The following FHIP1A variants were observed in gnomAD, a reference collection of about 807,000 sequenced individuals.
FHIP1A encodes the protein FHF complex subunit HOOK-interacting protein 1A.
Under a neutral mutation model 88.6 loss-of-function variants are expected in FHIP1A, and 61 were observed. The ratio of observed to expected loss-of-function variants is 0.69; its 90% CI spans 0.56 to 0.85. The LOEUF is 0.85. Ranked by LOEUF, FHIP1A falls within the 40% of genes least tolerant of loss-of-function variation. FHIP1A has a pLI of 0.00. For synonymous variants in FHIP1A, 478 were observed against 496.0 expected, an observed-to-expected ratio of 0.96 and a Z score of 0.48; for missense variants, 1,154 against 1,273.5, an observed-to-expected ratio of 0.91 and a Z score of 1.43.
chr4:151,453,218 G>T (rs1728856845), intron 1 of FHIP1A, among the ~76,000 whole-genome samples: 1 of 152,052 alleles, frequency 6.6e-6, no homozygotes, highest in Admixed American at 6.6e-5. Context: ...GTTTCACCAT[G>T]TTGGCCAGGC....
At chr4:151,431,375 G>T (rs1177422298) in intron 1 of FHIP1A, among the ~76,000 whole-genome samples, 1 of 152,046 alleles carries the variant, frequency 6.6e-6, no homozygotes, top group Non-Finnish European at 1.5e-5. Context: ...GAGATGATGC[G>T]CTTACATTTG....
intron 3 of FHIP1A, among the ~76,000 whole-genome samples, chr4:151,528,903 C>A (rs1731776584): frequency 6.6e-6 from 1 of 152,154 alleles, no homozygotes; most frequent in African/African-American, 2.4e-5. Flanking sequence ...TGGTGTTTCA[C>A]TTCATGGAAC....
chr4:151,503,790 T>C (rs929768057), intron 3 of FHIP1A, among the ~76,000 whole-genome samples: 1 of 152,214 alleles, frequency 6.6e-6, no homozygotes, highest in Non-Finnish European at 1.5e-5. Context: ...TCCAAAGGCC[T>C]ACTTTATTGT....
chr4:151,473,438 A>C (rs1729596872), intron 2 of FHIP1A, among the ~76,000 whole-genome samples: 2 of 152,130 alleles, frequency 1.3e-5, no homozygotes, highest in African/African-American at 4.8e-5. Context: ...TATAAAGTAT[A>C]GTATCTTTAA....
Position 151,656,856 on chromosome 4 carries a change from C to A in FHIP1A, c.2827C>A (p.Arg943Ser), listed in dbSNP as rs551441542. 270 of 1,551,426 alleles carry A rather than the reference C, an allele frequency of 1.7e-4. No homozygotes were observed. Among genetic ancestry groups the A allele is most frequent in the Non-Finnish European group, 2.2e-4 (258 of 1,146,892 alleles). The change falls in exon 13 of 14, where the codon CGT becomes AGT. Residue 943 changes from arginine to serine, a missense_variant. Coordinates refer to ENST00000435205, the MANE Select transcript of FHIP1A (RefSeq NM_001109977.3). The surrounding 1 kb of genome is among the most constrained non-coding windows in gnomAD (Gnocchi z 4.2). ...TCAAGCTCAGCAGTACCTGCTCTTCCGTGTGGACATGTCTGATATGACCCC... is the reference window on the plus strand; with the variant it reads ...TCAAGCTCAGCAGTACCTGCTCTTCAGTGTGGACATGTCTGATATGACCCC... The part of the protein sequence containing the change: ...LIQAQQYLLF[R>S]VDMSDMTPAA...
At chr4:151,637,943 A>G (rs1736416194) in intron 8 of FHIP1A, among the ~76,000 whole-genome samples, 1 of 152,162 alleles carries the variant, frequency 6.6e-6, no homozygotes, top group Non-Finnish European at 1.5e-5. Context: ...AAAGAATGAG[A>G]GCTTAAAATT....
intron 2 of FHIP1A, among the ~76,000 whole-genome samples, chr4:151,457,020 A>C (rs1411458862): frequency 2.0e-5 from 3 of 152,196 alleles, no homozygotes; most frequent in Non-Finnish European, 4.4e-5. Flanking sequence ...CAATGGATAG[A>C]CTTCTGGGAA....
chr4:151,601,577 G>A (rs184262407), intron 7 of FHIP1A, among the ~76,000 whole-genome samples: 6 of 149,534 alleles, frequency 4.0e-5, no homozygotes, highest in Non-Finnish European at 5.9e-5. Context: ...CCAATGTGAC[G>A]GGTAGAAATG....
chr4:151,425,857 AT>A (rs2126530193), intron 1 of FHIP1A, among the ~76,000 whole-genome samples: 1 of 152,274 alleles, frequency 6.6e-6, no homozygotes, highest in East Asian at 1.9e-4. Flanking sequence ...CCTTGCTCTT[AT>A]AAGGATACAT....
chr4:151,668,069 C>A lies in FHIP1A; in HGVS notation c.*5315C>A, dbSNP rs1055144414. On this transcript the variant is annotated 3_prime_UTR_variant, in exon 14 of 14. Coordinates refer to ENST00000435205, the MANE Select transcript of FHIP1A (RefSeq NM_001109977.3). ...AGGGAATTTGGTGTTGACAATCTTA[C>A]TTACACGACTCTTGCTAAGCTATTT... 6.6e-6 allele frequency among the ~76,000 whole-genome samples: 1 copy of A among 152,164 alleles called. No individual in the cohort carries two copies. Among genetic ancestry groups the A allele is most frequent in the East Asian group, 1.9e-4 (1 of 5,178 alleles).
At chr4:151,590,718 C>T (rs1255121244) in intron 7 of FHIP1A, among the ~76,000 whole-genome samples, 4 of 152,176 alleles carry the variant, frequency 2.6e-5, no homozygotes, top group East Asian at 1.9e-4. Flanking sequence ...CCTTCCCAGA[C>T]AGTGGTTTGT....
intron 1 of FHIP1A, among the ~76,000 whole-genome samples, chr4:151,411,406 G>C (rs2126499549): frequency 1.4e-5 from 2 of 142,300 alleles, no homozygotes; most frequent in Middle Eastern, 7.7e-3. Context: ...CTAGAGTTCA[G>C]TGGCATGATC....
intron 2 of FHIP1A, among the ~76,000 whole-genome samples, chr4:151,479,521 A>G (rs1405478109): frequency 6.6e-6 from 1 of 152,130 alleles, no homozygotes; most frequent in Non-Finnish European, 1.5e-5. Flanking sequence ...TAATTAGCTC[A>G]TAGTCAGCTT....
chr4:151,460,892 A>G (rs1729123535), intron 2 of FHIP1A, among the ~76,000 whole-genome samples: 1 of 152,210 alleles, frequency 6.6e-6, no homozygotes, highest in Admixed American at 6.5e-5. Flanking sequence ...TGTGTTTAGG[A>G]AAATGAAATA....
In FHIP1A at chr4:151,528,162, G is replaced by A. The variant is rs114494025; in HGVS notation, c.-122-37976G>A. ...TTGGTGACTGAAGGAAGAGCTAATA[G>A]GAACAGTAATTTTCATGGCCAGTTG... On this transcript the variant is annotated intron_variant, in intron 3 of 13. Transcript: ENST00000435205. 4.7e-3 allele frequency among the ~76,000 whole-genome samples: 717 copies of A among 152,238 alleles called. 3 individuals are homozygous for A. The highest frequency in any genetic ancestry group is 0.016 in the African/African-American group (668 of 41,528).
At chr4:151,453,957 T>C (rs1029805730) in intron 1 of FHIP1A, among the ~76,000 whole-genome samples, 8 of 152,202 alleles carry the variant, frequency 5.3e-5, no homozygotes, top group African/African-American at 1.9e-4. Context: ...ATCCTATGAA[T>C]ATATAATAAT....
chr4:151,487,573 C>T (rs925317265), intron 3 of FHIP1A, among the ~76,000 whole-genome samples: 4 of 152,232 alleles, frequency 2.6e-5, no homozygotes, highest in Admixed American at 2.6e-4. Context: ...GTTCTTCACA[C>T]CTGAAATCCG....
At chr4:151,497,829 G>C (rs1372908103) in intron 3 of FHIP1A, among the ~76,000 whole-genome samples, 1 of 152,182 alleles carries the variant, frequency 6.6e-6, no homozygotes, top group African/African-American at 2.4e-5. Flanking sequence ...GCCCCATCCT[G>C]TCTTTAGTCT....
chr4:151,448,985 A>G (rs1486219626), intron 1 of FHIP1A, among the ~76,000 whole-genome samples: 2 of 152,128 alleles, frequency 1.3e-5, no homozygotes, highest in Non-Finnish European at 2.9e-5. Context: ...AGTCTGTCTC[A>G]TGGTGCCCAA....
Sources: gnomAD v4.1 joint callset for allele counts (sites outside exome capture counted in the v4.1 genomes callset) on GRCh38, gnomAD v4.1.1 for gene constraint, Gnocchi (gnomAD v3.1) non-coding constraint, MANE v1.5 for transcripts, NCBI Gene and HGNC (gene_info 2026-07-23, HGNC 2026-07-21) for gene names.